Variants in TBC1D4 observed in about 807,000 individuals in gnomAD.
The protein encoded by TBC1D4 is TBC (Tre-2, BUB2, CDC16) domain-containing protein.
A neutral mutation model predicts 142.5 loss-of-function variants in TBC1D4; 121 were observed. The observed-to-expected ratio is 0.85, with a 90% CI of 0.73 to 0.99. The LOEUF is 0.99. Ranked by LOEUF, TBC1D4 falls within the 50% of genes least tolerant of loss-of-function variation. The pLI, the probability that TBC1D4 is intolerant of heterozygous loss-of-function variation, is 0.00. For synonymous variants in TBC1D4, 630 were observed against 628.2 expected, an observed-to-expected ratio of 1.00 and a Z score of -0.04; for missense variants, 1,475 against 1,606.6, an observed-to-expected ratio of 0.92 and a Z score of 1.40.
At chr13:75,398,134 C>T (rs891211567) in intron 1 of TBC1D4, among the ~76,000 whole-genome samples, 1 of 152,194 alleles carries the variant, frequency 6.6e-6, no homozygotes, top group African/African-American at 2.4e-5. Context: ...CTACCTTGGA[C>T]GTTCTAGTCC....
At chr13:75,325,075 A>G (rs1001322106) in intron 10 of TBC1D4, among the ~76,000 whole-genome samples, 3 of 152,216 alleles carry the variant, frequency 2.0e-5, no homozygotes, top group Non-Finnish European at 4.4e-5. Flanking sequence ...AAGGATTGAG[A>G]TATTTATAGT....
intron 1 of TBC1D4, among the ~76,000 whole-genome samples, chr13:75,386,118 T>C (rs1410226935): frequency 1.3e-5 from 2 of 152,232 alleles, no homozygotes; most frequent in Non-Finnish European, 2.9e-5. Flanking sequence ...AACACACTGC[T>C]GCATTAATGA....
intron 1 of TBC1D4, among the ~76,000 whole-genome samples, chr13:75,478,260 G>A (rs532117448): frequency 9.2e-5 from 14 of 152,034 alleles, no homozygotes; most frequent in Admixed American, 8.5e-4. Context: ...CATATATCTC[G>A]GTTTGTCCTC....
intron 18 of TBC1D4, among the ~76,000 whole-genome samples, chr13:75,294,448 C>G (rs1875664369): frequency 6.6e-6 from 1 of 152,194 alleles, no homozygotes; most frequent in Non-Finnish European, 1.5e-5. Context: ...AACATTGATA[C>G]AGTTAAGAAC....
intron 1 of TBC1D4, among the ~76,000 whole-genome samples, chr13:75,416,327 C>T (rs757263284): frequency 6.6e-6 from 1 of 152,100 alleles, no homozygotes; most frequent in African/African-American, 2.4e-5. Flanking sequence ...TTAAAGTTTC[C>T]TTAAAAAAGT....
intron 20 of TBC1D4, 82 bp downstream of exon 20, chr13:75,288,852 C>T (rs1593856056): frequency 2.1e-6 from 3 of 1,431,192 alleles, no homozygotes; most frequent in East Asian, 2.3e-5. Context: ...ATTCCACGCA[C>T]ATATCCCTTT....
chr13:75,283,992 G>T lies in TBC1D4; in HGVS notation c.*2800C>A, dbSNP rs900464754. On this transcript the variant is annotated 3_prime_UTR_variant, in exon 21 of 21. Transcript: ENST00000377636. ...TCACTGCAAGCTCACTGCAAGCTCCGCCTCCCAGGTTCAAACTATTCTCCA... is the reference window on the plus strand; with the variant it reads ...TCACTGCAAGCTCACTGCAAGCTCCTCCTCCCAGGTTCAAACTATTCTCCA... 4.6e-5 allele frequency among the ~76,000 whole-genome samples: 7 copies of T among 151,932 alleles called. No homozygotes were observed. The highest frequency in any genetic ancestry group is 1.5e-4 in the African/African-American group (6 of 41,356).
At chr13:75,324,538 G>GA (rs200738410) in intron 10 of TBC1D4, 137 bp from the exon 11 acceptor site, 1,297 of 943,664 alleles carry the variant, frequency 1.4e-3, no homozygotes, top group Middle Eastern at 1.7e-3. Flanking sequence ...GATCTTACAT[G>GA]AAAAAAAAAG....
At chr13:75,469,678 G>A (rs533397826) in intron 1 of TBC1D4, among the ~76,000 whole-genome samples, 2 of 152,208 alleles carry the variant, frequency 1.3e-5, no homozygotes, top group South Asian at 4.2e-4. Flanking sequence ...GGGAGGCTGA[G>A]GTGGGAGGAT....
At chr13:75,391,067 CACACACAA>C (rs1175471852) in intron 1 of TBC1D4, among the ~76,000 whole-genome samples, 8 of 123,422 alleles carry the variant, frequency 6.5e-5, no homozygotes, top group East Asian at 5.0e-4. Flanking sequence ...CACACACACA[CACACACAA>C]ACAACTTGTA....
intron 1 of TBC1D4, among the ~76,000 whole-genome samples, chr13:75,439,255 TA>T (rs1886931420): frequency 6.6e-6 from 1 of 152,182 alleles, no homozygotes; most frequent in African/African-American, 2.4e-5. Flanking sequence ...ACTTCATGTA[TA>T]AAGTTTTTTA....
At chr13:75,366,293 G>T (rs1882903685) in intron 1 of TBC1D4, among the ~76,000 whole-genome samples, 1 of 152,156 alleles carries the variant, frequency 6.6e-6, no homozygotes, top group Non-Finnish European at 1.5e-5. Flanking sequence ...AGACCTCTGG[G>T]AATAGTTGTT....
rs140144417 is a variant in TBC1D4 at position 75,356,205 on chromosome 13, G to C, written c.1217C>G (p.Pro406Arg). 3 of 1,613,728 alleles carry C rather than the reference G, an allele frequency of 1.9e-6. No homozygotes were observed. Among genetic ancestry groups the C allele is most frequent in the Non-Finnish European group, 2.5e-6 (3 of 1,179,784 alleles). ...AATATACTGGCTAAGTCCAGGCTCTGGAGACTCCCGGCAGATAAAGCCAAA... is the reference window on the plus strand; with the variant it reads ...AATATACTGGCTAAGTCCAGGCTCTCGAGACTCCCGGCAGATAAAGCCAAA... ...DHFGFICRES[P>R]EPGLSQYICY... The change falls in exon 4 of 21, where the codon CCA becomes CGA. Residue 406 changes from proline (P) to arginine (R), a missense_variant. By Grantham distance (103) the Pro-to-Arg change is moderately radical. Coordinates refer to ENST00000377636, the MANE Select transcript of TBC1D4 (RefSeq NM_014832.5).
At chr13:75,402,605 T>C (rs1187393899) in intron 1 of TBC1D4, among the ~76,000 whole-genome samples, 5 of 151,124 alleles carry the variant, frequency 3.3e-5, no homozygotes, top group South Asian at 2.1e-4. Context: ...TACATACACT[T>C]TTACTTTAAA....
In TBC1D4 at chr13:75,312,859, G is replaced by A. The variant is rs567266171; in HGVS notation, c.2262C>T (p.Ser754=). 5.0e-6 allele frequency: 8 copies of A among 1,614,210 alleles called. No individual in the cohort carries two copies. The highest frequency in any genetic ancestry group is 6.8e-6 in the Non-Finnish European group (8 of 1,180,032). Reference sequence around the variant, plus strand: ...TTCCTCCCACACTTAGGGACTCATTGCTGCAGGTAGATGAGGTCCTTTTTC... The same window carrying A: ...TTCCTCCCACACTTAGGGACTCATTACTGCAGGTAGATGAGGTCCTTTTTC... ...EGRKRTSSTC[S]NESLSVGGTS... is the part of the protein sequence containing the mutation. Residue 754 remains serine (S), a synonymous_variant, in exon 13 of 21, where the codon AGC becomes AGT. Transcript: ENST00000377636.
rs547127027 is a variant in TBC1D4 at position 75,416,124 on chromosome 13, T to G, written c.499-53517A>C. 1.4e-4 allele frequency among the ~76,000 whole-genome samples: 21 copies of G among 152,330 alleles called. No homozygotes were observed. The East Asian group carries it at 4.0e-3, about 29-fold the overall frequency. ...AAAATAGCTATTCTGAGACAAATAT[T>G]GTGGCATTCTTTCCTTTATTATTTT... On this transcript the variant is annotated intron_variant, in intron 1 of 20. Coordinates refer to ENST00000377636, the MANE Select transcript of TBC1D4 (RefSeq NM_014832.5).
intron 1 of TBC1D4, among the ~76,000 whole-genome samples, chr13:75,429,571 G>C (rs145291701): frequency 0.011 from 1,619 of 152,156 alleles, 77 homozygotes; most frequent in Admixed American, 0.082. Flanking sequence ...AAAAAAAGTT[G>C]ATAAAATTTT....
chr13:75,481,430 T>G lies in TBC1D4; in HGVS notation c.338A>C (p.Asn113Thr), dbSNP rs375426745. The stretch of plus-strand genomic sequence containing the variant: ...GTGCTCGAAGATGAATACCGCCGGG[T>G]TGGGCTGCGTGGCCGACGGACTAGT... The part of the protein sequence containing the change: ...GGTSPSATQP[N>T]PAVFIFEHKA... The change falls in exon 1 of 21, where the codon AAC becomes ACC. Residue 113 changes from asparagine (N) to threonine (T), a missense_variant. Around this residue, in one of 2 missense-constraint regions of TBC1D4, gnomAD observed 1,227 missense variants for 1,267.7 expected, o/e 0.97. Coordinates refer to ENST00000377636, the MANE Select transcript of TBC1D4 (RefSeq NM_014832.5). 3 of 1,613,576 alleles carry G rather than the reference T, an allele frequency of 1.9e-6. No homozygotes were observed. The highest frequency in any genetic ancestry group is 1.7e-6 in the Non-Finnish European group (2 of 1,179,752).
At chr13:75,392,184 T>C (rs1046120031) in intron 1 of TBC1D4, among the ~76,000 whole-genome samples, 1 of 152,184 alleles carries the variant, frequency 6.6e-6, no homozygotes, top group Non-Finnish European at 1.5e-5. Context: ...TAATTAAACA[T>C]ATAAATATGT....
Sources: gnomAD v4.1 joint callset for allele counts (sites outside exome capture counted in the v4.1 genomes callset) on GRCh38, gnomAD v4.1.1 for gene constraint, gnomAD v4.1.1 regional missense constraint, MANE v1.5 for transcripts, NCBI Gene and HGNC (gene_info 2026-07-23, HGNC 2026-07-21) for gene names.